LRRC63: variants seen among roughly 807,000 people sequenced by gnomAD.
LRRC63 encodes the protein leucine rich repeat containing 63, also known as leucine-rich repeat-containing protein 63.
In LRRC63, 40 loss-of-function variants were observed where a neutral mutation model predicts 49.5. The ratio of observed to expected loss-of-function variants is 0.81; its 90% confidence interval spans 0.63 to 1.05. The LOEUF (loss-of-function observed/expected upper bound fraction) is 1.05, where lower values mean the gene tolerates loss of function less well. LRRC63 is among the 50% of genes least tolerant of loss of function. LRRC63 has a pLI of 0.00. For missense variants in LRRC63, 636 were observed against 663.1 expected (o/e 0.96, Z 0.45); for synonymous variants, 191 against 221.1 (o/e 0.86, Z 1.21).
chr13:46,223,651 C>T (rs554090810), intron 2 of LRRC63, among the ~76,000 whole-genome samples: 3 of 151,936 alleles, frequency 2.0e-5, no homozygotes, highest in Admixed American at 6.6e-5. Context: ...GTCAGGAGTT[C>T]GAGACCACCT....
exon 10 of LRRC63, chr13:46,276,652 C>A (rs755311043): frequency 1.5e-4 from 184 of 1,230,896 alleles, no homozygotes; most frequent in Non-Finnish European, 1.5e-4. Flanking sequence ...GTCATCCGAT[C>A]CTGTGATATT....
At chr13:46,261,644 C>CAAA (rs1171926425) in intron 7 of LRRC63, among the ~76,000 whole-genome samples, 1 of 151,984 alleles carries the variant, frequency 6.6e-6, no homozygotes, top group Admixed American at 6.5e-5. Flanking sequence ...ACAACAACAA[C>CAAA]AAAAAAGTAT....
intron 2 of LRRC63, among the ~76,000 whole-genome samples, chr13:46,226,342 G>A (rs773578685): frequency 1.3e-5 from 2 of 152,168 alleles, no homozygotes; most frequent in Non-Finnish European, 2.9e-5. Context: ...GGGGCAAGGT[G>A]TGGGGAAGAG....
chr13:46,255,873 C>A (rs192554216), intron 7 of LRRC63, among the ~76,000 whole-genome samples: 1 of 152,002 alleles, frequency 6.6e-6, no homozygotes, highest in African/African-American at 2.4e-5. Flanking sequence ...AGAAATGTCC[C>A]CATGTACATT....
intron 9 of LRRC63, chr13:46,270,535 TA>T: frequency 1.2e-6 from 1 of 823,980 alleles, no homozygotes; most frequent in South Asian, 1.3e-5. Context: ...TTGAAGAAAG[TA>T]AAAACATAAC....
At chr13:46,260,092 A>G (rs1452046003) in intron 7 of LRRC63, among the ~76,000 whole-genome samples, 3 of 152,208 alleles carry the variant, frequency 2.0e-5, no homozygotes, top group Admixed American at 2.0e-4. Flanking sequence ...GATGACATAA[A>G]TTTCAACTCT....
chr13:46,262,276 T>C (rs979832755), intron 8 of LRRC63, among the ~76,000 whole-genome samples: 1 of 151,846 alleles, frequency 6.6e-6, no homozygotes. Context: ...TTATGTTTCA[T>C]TTATTTTTTG....
intron 2 of LRRC63, among the ~76,000 whole-genome samples, chr13:46,226,407 C>G (rs1468257799): frequency 6.6e-6 from 1 of 152,074 alleles, no homozygotes; most frequent in Non-Finnish European, 1.5e-5. Flanking sequence ...GTCTTGTACC[C>G]CATGGAAATG....
At chr13:46,262,262 C>G (rs1051297980) in intron 8 of LRRC63, among the ~76,000 whole-genome samples, 1 of 152,080 alleles carries the variant, frequency 6.6e-6, no homozygotes, top group Admixed American at 6.5e-5. Flanking sequence ...ACCTGTGGCT[C>G]TTATTATGTT....
rs1566496465 is a variant in LRRC63 at position 46,246,529 on chromosome 13, C to CT, written c.999dup (p.Ile334TyrfsTer18). ...TATCTCTTGTCACTTTCTTTTAGGG[C>CT]TTTTTTATCCTAAATTGTCCAGACT... On this transcript the variant is annotated frameshift_variant, in exon 6 of 10. Transcript: ENST00000595396. LOFTEE classifies it high-confidence loss of function. 1 of 1,434,170 alleles carries CT rather than the reference C, an allele frequency of 7.0e-7. No homozygotes were observed. The highest frequency in any genetic ancestry group is 3.2e-5 in the Admixed American group (1 of 31,340). The allele number at this position is 1,434,170 out of a possible 1,614,324, so 88.8% of individuals were successfully genotyped here.
exon 6 of LRRC63, chr13:46,246,618 C>T: frequency 7.1e-7 from 1 of 1,410,308 alleles, no homozygotes; most frequent in Non-Finnish European, 9.3e-7. Flanking sequence ...CATTACTTTC[C>T]CACAGAAGTG....
chr13:46,263,461 T>C (rs2047642416), intron 8 of LRRC63, among the ~76,000 whole-genome samples: 1 of 147,842 alleles, frequency 6.8e-6, no homozygotes, highest in Non-Finnish European at 1.5e-5. Context: ...GGCATTCTAT[T>C]GTACTACCCT....
chr13:46,230,119 T>C (rs2046702675), intron 4 of LRRC63, among the ~76,000 whole-genome samples: 2 of 152,246 alleles, frequency 1.3e-5, no homozygotes, highest in Admixed American at 6.5e-5. Flanking sequence ...TACATTTCAA[T>C]ATGAGATTTA....
Position 46,228,737 on chromosome 13 carries a change from A to G in LRRC63, c.832+4A>G, listed in dbSNP as rs535949120. On this transcript the variant is annotated splice_donor_region_variant and intron_variant, in intron 4 of 9. Coordinates refer to ENST00000595396, the Ensembl canonical transcript of LRRC63. The stretch of plus-strand genomic sequence containing the variant: ...ATCCCACCAAGACCACCTGAAGGTA[A>G]ATGCTAGATTTATACAATTCTTTTA... 6.6e-7 allele frequency: 1 copy of G among 1,515,744 alleles called. No individual in the cohort carries two copies. The highest frequency in any genetic ancestry group is 9.0e-7 in the Non-Finnish European group (1 of 1,116,430). 93.9% of individuals were successfully genotyped at this position (1,515,744 alleles called of 1,614,324 possible).
At chr13:46,254,690 GT>G (rs2047465322) in intron 7 of LRRC63, among the ~76,000 whole-genome samples, 2 of 152,170 alleles carry the variant, frequency 1.3e-5, no homozygotes, top group South Asian at 2.1e-4. Flanking sequence ...ATGATTTAGT[GT>G]TGATATTGAG....
chr13:46,255,645 AATATAT>A (rs142798828), intron 7 of LRRC63, among the ~76,000 whole-genome samples: 16 of 129,468 alleles, frequency 1.2e-4, no homozygotes, highest in Non-Finnish European at 2.3e-4. Flanking sequence ...CCCTGCCTCA[AATATAT>A]ATATATATAT....
At chr13:46,239,528 A>G (rs2046995835) in intron 5 of LRRC63, among the ~76,000 whole-genome samples, 2 of 152,230 alleles carry the variant, frequency 1.3e-5, no homozygotes, top group South Asian at 4.1e-4. Flanking sequence ...CCAGTGCTAC[A>G]CAGATTCACA....
At chr13:46,271,155 A>G (rs1202309734) in intron 9 of LRRC63, among the ~76,000 whole-genome samples, 9 of 152,106 alleles carry the variant, frequency 5.9e-5, no homozygotes, top group Non-Finnish European at 1.3e-4. Flanking sequence ...GCAGGACTTG[A>G]GTTATGTGTG....
intron 2 of LRRC63, among the ~76,000 whole-genome samples, chr13:46,223,315 A>T (rs2046464729): frequency 6.6e-6 from 1 of 151,980 alleles, no homozygotes; most frequent in African/African-American, 2.4e-5. Context: ...TAAGTATGTG[A>T]CTTTATTTCA....
Sources: allele counts gnomAD v4.1 joint callset (sites outside exome capture counted in the v4.1 genomes callset), GRCh38; gene constraint gnomAD v4.1.1; transcripts MANE v1.5; gene names NCBI Gene and HGNC (gene_info 2026-07-23, HGNC 2026-07-21).